The following MYO18B variants were observed in gnomAD, a reference collection of about 807,000 sequenced individuals.
The protein encoded by MYO18B is myosin XVIIIB.
MYO18B carries 204 observed loss-of-function variants against 273.0 expected under a neutral mutation model. The ratio of observed to expected loss-of-function variants is 0.75; its 90% CI spans 0.67 to 0.84. The LOEUF is 0.84. MYO18B is among the 40% of genes least tolerant of loss of function. The pLI is 0.00. For missense variants in MYO18B, 3,212 were observed against 3,287.6 expected, an observed-to-expected ratio of 0.98 and a Z score of 0.56; for synonymous variants, 1,330 against 1,305.7, an observed-to-expected ratio of 1.02 and a Z score of -0.40.
intron 21 of MYO18B, among the ~76,000 whole-genome samples, chr22:25,854,742 A>G (rs999875578): frequency 6.6e-5 from 10 of 152,238 alleles, no homozygotes; most frequent in African/African-American, 2.4e-4. Flanking sequence ...TTCTAAGTCC[A>G]TCATAGAAGT....
chr22:26,021,039 T>C (rs925891124), intron 42 of MYO18B, among the ~76,000 whole-genome samples: 8 of 152,266 alleles, frequency 5.3e-5, no homozygotes, highest in South Asian at 4.1e-4. Flanking sequence ...CAGTGAGCCA[T>C]GATCGTGCCA....
At chr22:25,844,980 C>T (rs955348064) in intron 18 of MYO18B, among the ~76,000 whole-genome samples, 22 of 152,212 alleles carry the variant, frequency 1.4e-4, no homozygotes, top group African/African-American at 3.6e-4. Context: ...CAAGACTCAG[C>T]GGCTGTAGCC....
chr22:25,986,702 T>C (rs1342321911), intron 39 of MYO18B, among the ~76,000 whole-genome samples: 1 of 152,224 alleles, frequency 6.6e-6, no homozygotes, highest in African/African-American at 2.4e-5. Context: ...AAAGTACGTG[T>C]TACAGGCAAA....
At chr22:25,897,472 G>A (rs8143149) in intron 28 of MYO18B, 1 of 152,226 alleles carries the variant, frequency 6.6e-6, no homozygotes, top group Non-Finnish European at 1.5e-5. Context: ...ATGGACAACT[G>A]CAGGAAAGCA....
intron 18 of MYO18B, among the ~76,000 whole-genome samples, chr22:25,844,949 A>C (rs1185320940): frequency 6.6e-6 from 1 of 152,168 alleles, no homozygotes; most frequent in Non-Finnish European, 1.5e-5. Flanking sequence ...CTGTACCATA[A>C]ATAAGAGCAG....
chr22:25,812,446 C>T (rs572828791), intron 12 of MYO18B, among the ~76,000 whole-genome samples: 1 of 152,338 alleles, frequency 6.6e-6, no homozygotes, highest in Admixed American at 6.5e-5. Context: ...AGTACATTTA[C>T]TTCCCCTACA....
intron 1 of MYO18B, among the ~76,000 whole-genome samples, chr22:25,760,021 T>C (rs1379540875): frequency 6.6e-6 from 1 of 152,180 alleles, no homozygotes; most frequent in African/African-American, 2.4e-5. Context: ...GTGGGACAGA[T>C]TGAGAGCTAC....
chr22:25,944,109 C>T (rs2092677135), intron 34 of MYO18B, among the ~76,000 whole-genome samples: 1 of 152,186 alleles, frequency 6.6e-6, no homozygotes, highest in East Asian at 1.9e-4. Context: ...TTTTGCCCTG[C>T]CTGCCTTCAG....
chr22:25,795,628 C>T (rs918900566), intron 11 of MYO18B, among the ~76,000 whole-genome samples: 2 of 152,156 alleles, frequency 1.3e-5, no homozygotes, highest in Non-Finnish European at 1.5e-5. Context: ...AGATGCCTTC[C>T]GTCCCTCTGT....
At chr22:25,999,738 C>T (rs1385903232) in intron 40 of MYO18B, among the ~76,000 whole-genome samples, 1 of 151,732 alleles carries the variant, frequency 6.6e-6, no homozygotes, top group African/African-American at 2.4e-5. Flanking sequence ...TCACTGCAAC[C>T]TCTGCCTCCC....
At chr22:25,885,462 G>A (rs888103312) in intron 25 of MYO18B, among the ~76,000 whole-genome samples, 1 of 152,110 alleles carries the variant, frequency 6.6e-6, no homozygotes, top group African/African-American at 2.4e-5. Context: ...ACAAGGTGAG[G>A]GGACATTCCA....
intron 1 of MYO18B, among the ~76,000 whole-genome samples, chr22:25,753,116 TC>T (rs1170421744): frequency 6.6e-6 from 1 of 152,116 alleles, no homozygotes; most frequent in African/African-American, 2.4e-5. Context: ...GGCCAGAGCC[TC>T]CACGGCACCG....
rs895114905 is a variant in MYO18B, at chr22:25,908,413, G to A, written c.5240G>A (p.Arg1747His). The A allele has an allele frequency of 4.4e-6, 7 of 1,594,724 alleles. No homozygotes were observed. The highest frequency in any genetic ancestry group is 1.1e-5 in the South Asian group (1 of 87,200). Residue 1747 changes from arginine to histidine, a missense_variant, in exon 32 of 44, where the codon CGT becomes CAT. Coordinates refer to ENST00000335473, the MANE Select transcript of MYO18B (RefSeq NM_032608.7). Reference protein sequence around the residue: ...EDQEEELEDVRQSCQKRLHQL... With the variant: ...EDQEEELEDVHQSCQKRLHQL... ...CAGGAGGAGGAACTGGAGGATGTCC[G>A]TCAGTCCTGCCAGAAGCGGGTACGT...
intron 25 of MYO18B, among the ~76,000 whole-genome samples, chr22:25,880,658 T>C (rs1651443285): frequency 6.6e-6 from 1 of 152,210 alleles, no homozygotes; most frequent in African/African-American, 2.4e-5. Flanking sequence ...ACTGGACACC[T>C]TGATAGAGCT....
rs1166941050 is a variant in MYO18B, at chr22:25,911,387, A to C, written c.5364+337A>C. ...CACACATGACTGCCCTCCTGAGAAC[A>C]TGACTTTTGCTAGAAGCAGTCAGCC... On this transcript the variant is annotated intron_variant, in intron 33 of 43. Transcript: ENST00000335473. Among the ~76,000 whole-genome samples the C allele has an allele frequency of 1.1e-4, 16 of 152,346 alleles. No individual in the cohort carries two copies. In the East Asian group the frequency reaches 3.1e-3, roughly 29 times the overall value.
intron 3 of MYO18B, among the ~76,000 whole-genome samples, chr22:25,765,997 G>A (rs2086492252): frequency 6.6e-6 from 1 of 152,196 alleles, no homozygotes; most frequent in Admixed American, 6.5e-5. Flanking sequence ...CCATGATGCT[G>A]AGCACCAGCT....
chr22:26,008,355 A>G (rs1267728169), intron 42 of MYO18B, among the ~76,000 whole-genome samples: 1 of 152,196 alleles, frequency 6.6e-6, no homozygotes, highest in Non-Finnish European at 1.5e-5. Context: ...AGGAGACTGT[A>G]TCATAGTAGA....
At chr22:26,014,199 G>A (rs1281875845) in intron 42 of MYO18B, among the ~76,000 whole-genome samples, 2 of 152,124 alleles carry the variant, frequency 1.3e-5, no homozygotes, top group Non-Finnish European at 2.9e-5. Flanking sequence ...GCTCATTGTG[G>A]TGTGAGGTAG....
Position 25,847,742 on chromosome 22 carries a change from A to G in MYO18B, c.3775+90A>G, listed in dbSNP as rs145414685. On this transcript the variant is annotated intron_variant, in intron 20 of 43. Transcript: ENST00000335473. Reference sequence around the variant, plus strand: ...CAGCCAAGGGATGGGAGCCCCTGCCATGTGCTAGGAGCTTCACACCCAGCA... The same window carrying G: ...CAGCCAAGGGATGGGAGCCCCTGCCGTGTGCTAGGAGCTTCACACCCAGCA... 7.6e-4 allele frequency: 721 copies of G among 953,668 alleles called. 3 individuals are homozygous for G. In the African/African-American group the frequency reaches 9.8e-3, roughly 13 times the overall value. 59.1% of individuals were successfully genotyped at this position (953,668 alleles called of 1,614,324 possible). A position where few individuals can be genotyped will look rare whatever the true frequency, so the allele number is the denominator to read the frequency against.
Sources: gnomAD v4.1 joint callset for allele counts (sites outside exome capture counted in the v4.1 genomes callset) on GRCh38, gnomAD v4.1.1 for gene constraint, MANE v1.5 for transcripts, NCBI Gene and HGNC (gene_info 2026-07-23, HGNC 2026-07-21) for gene names.